Variants in SUGP2 observed in about 807,000 individuals in gnomAD.
The protein encoded by SUGP2 is SURP and G-patch domain-containing protein 2.
A neutral mutation model predicts 90.5 loss-of-function variants in SUGP2; 24 were observed. The ratio of observed to expected loss-of-function variants is 0.27; its 90% CI spans 0.19 to 0.37. The LOEUF (loss-of-function observed/expected upper bound fraction) is 0.37, where lower values mean the gene tolerates loss of function less well. Ranked by LOEUF, SUGP2 falls within the 10% of genes least tolerant of loss-of-function variation. The probability of loss-of-function intolerance (pLI) is 1.00; values close to 1 mark genes in which losing one functional copy is unlikely to be tolerated. For missense variants in SUGP2, 1,233 were observed against 1,363.3 expected, an observed-to-expected ratio of 0.90 and a Z score of 1.51; for synonymous variants, 473 against 513.4, an observed-to-expected ratio of 0.92 and a Z score of 1.06.
At position 19,010,324 on chromosome 19, in the gene SUGP2, A is replaced by G. The variant is rs767343340; in HGVS notation, c.1869T>C (p.Asn623=). The stretch of plus-strand genomic sequence containing the variant: ...GCTTGTAATATTTATACTCCAGACT[A>G]TTTTCATCAGACAAAAACCTAGATA... ...DPAYWFLSDE[N]SLEYKYYKLK... is the part of the protein sequence containing the mutation. Residue 623 remains asparagine (N), a synonymous_variant, in exon 5 of 11, where the codon AAT becomes AAC. Coordinates refer to ENST00000452918, the MANE Select transcript of SUGP2 (RefSeq NM_001017392.5). The G allele has an allele frequency of 2.5e-6, 4 of 1,610,098 alleles. No individual in the cohort carries two copies. The African/African-American group carries it at 5.4e-5, about 22-fold the overall frequency.
At chr19:19,007,171 T>C (rs1254152621) in intron 6 of SUGP2, among the ~76,000 whole-genome samples, 1 of 152,190 alleles carries the variant, frequency 6.6e-6, no homozygotes, top group Non-Finnish European at 1.5e-5. Flanking sequence ...CAGGTTTTCT[T>C]GCCTATGGGC....
chr19:19,012,399 T>C (rs1300183559), intron 4 of SUGP2, among the ~76,000 whole-genome samples: 1 of 152,206 alleles, frequency 6.6e-6, no homozygotes, highest in African/African-American at 2.4e-5. Flanking sequence ...TGGCTTTCCT[T>C]GTTCCTGGAT....
Position 19,010,010 on chromosome 19 carries a change from G to A in SUGP2, c.2183C>T (p.Pro728Leu). ...GTCCTTGGCAGCATCATTTCTGTCT[G>A]GCAGGGATGGTTTTGCCTGTGAGAG... ...PGLSQAKPSL[P>L]DRNDAAKDCP... The change falls in exon 5 of 11, where the codon CCA (proline) becomes CTA (leucine). Residue 728 changes from proline to leucine, a missense_variant. Physicochemically the swap from Pro to Leu is moderately conservative, Grantham distance 98. Coordinates refer to ENST00000452918, the MANE Select transcript of SUGP2 (RefSeq NM_001017392.5). 5 of 1,614,146 alleles carry A rather than the reference G, an allele frequency of 3.1e-6. No individual in the cohort carries two copies. The highest frequency in any genetic ancestry group is 4.2e-6 in the Non-Finnish European group (5 of 1,180,024).
At chr19:19,014,314 G>A (rs1018743966) in intron 4 of SUGP2, among the ~76,000 whole-genome samples, 1 of 152,082 alleles carries the variant, frequency 6.6e-6, no homozygotes, top group African/African-American at 2.4e-5. Flanking sequence ...TTTAGTGCAC[G>A]ACACGAGGCA....
rs1284746863 is a variant in SUGP2 at position 18,995,152 on chromosome 19, C to T, written c.3120G>A (p.Pro1040=). The change falls in exon 9 of 11, where the codon CCG becomes CCA. Residue 1040 remains proline, a synonymous_variant. Coordinates refer to ENST00000452918, the MANE Select transcript of SUGP2 (RefSeq NM_001017392.5). ...LGSLGKGIRE[P]VSVGTPSEGE... Reference sequence around the variant, plus strand: ...GGCTGCCTGCTGCGTACACGCTGACCGGCTCCCTGATGCCCTTTCCGAGGG... The same window carrying T: ...GGCTGCCTGCTGCGTACACGCTGACTGGCTCCCTGATGCCCTTTCCGAGGG... 1.1e-5 allele frequency: 17 copies of T among 1,612,790 alleles called. No individual in the cohort carries two copies. Among genetic ancestry groups the T allele is most frequent in the African/African-American group, 2.7e-5 (2 of 74,928 alleles).
chr19:18,993,981 T>A (rs761576016), intron 10 of SUGP2: 25 of 167,076 alleles, frequency 1.5e-4, no homozygotes, highest in Non-Finnish European at 3.0e-4. Flanking sequence ...AACAGTCCGT[T>A]TGCTGGTCAT....
intron 4 of SUGP2, among the ~76,000 whole-genome samples, chr19:19,013,716 T>G (rs967608444): frequency 6.6e-6 from 1 of 152,208 alleles, no homozygotes; most frequent in African/African-American, 2.4e-5. Context: ...CCACAGGGAT[T>G]CTTAGCCACT....
chr19:19,031,155 C>A (rs2059135654), intron 1 of SUGP2, 73 bp from the exon 2 acceptor site: 2 of 1,524,072 alleles, frequency 1.3e-6, no homozygotes, highest in East Asian at 2.3e-5. Context: ...TACCTGTAAT[C>A]CTGGCACTTT....
intron 4 of SUGP2, among the ~76,000 whole-genome samples, chr19:19,015,660 T>C (rs2058473088): frequency 6.6e-6 from 1 of 152,092 alleles, no homozygotes; most frequent in African/African-American, 2.4e-5. Flanking sequence ...CCTGTCACCA[T>C]GCCCAGCTAA....
At chr19:19,024,480 G>T in intron 3 of SUGP2, 139 bp downstream of exon 3, 2 of 885,952 alleles carry the variant, frequency 2.3e-6, no homozygotes, top group Non-Finnish European at 3.4e-6. Flanking sequence ...GACATATATT[G>T]GCCAATGTGC....
intron 8 of SUGP2, among the ~76,000 whole-genome samples, chr19:18,998,603 C>T (rs1484343982): frequency 4.6e-5 from 7 of 151,212 alleles, no homozygotes; most frequent in Admixed American, 1.3e-4. Flanking sequence ...TGTGTGTGTG[C>T]GTGTGTGTAT....
Position 19,031,134 on chromosome 19 carries a change from G to A in SUGP2, c.-11-52C>T, listed in dbSNP as rs918821833. The A allele has an allele frequency of 1.7e-5, 27 of 1,578,496 alleles. 1 individual carries two copies. The South Asian group carries it at 1.9e-4, about 11-fold the overall frequency. On this transcript the variant is annotated intron_variant, in intron 1 of 10. Transcript: ENST00000452918. ...TAAGAGCAACAACTTGGAGCTGGGC[G>A]CGGTGGCTCATACCTGTAATCCTGG...
upstream of SUGP2, chr19:19,033,820 C>T: frequency 3.7e-6 from 1 of 267,664 alleles, no homozygotes; most frequent in South Asian, 7.8e-5. Context: ...GGAGGCCAAG[C>T]CTAGGGGCGC....
At chr19:19,033,543 A>AGCGCC (rs1470067103), upstream of SUGP2, 22 of 1,302,908 alleles carry the variant, frequency 1.7e-5, no homozygotes, top group South Asian at 1.3e-4. Flanking sequence ...CGGTCTCCGC[A>AGCGCC]GCGCCGCGCC....
chr19:19,018,391 TTTAATAAG>T (rs138339519), intron 4 of SUGP2, among the ~76,000 whole-genome samples: 5,481 of 148,986 alleles, frequency 0.037, 159 homozygotes, highest in Admixed American at 0.059. Flanking sequence ...AAACTGTAAT[TTTAATAAG>T]TTGTTCGGCC....
chr19:19,004,780 G>C (rs780447515), intron 6 of SUGP2, 134 bp from the exon 7 acceptor site: 6 of 693,170 alleles, frequency 8.7e-6, no homozygotes, highest in Non-Finnish European at 1.4e-5. Flanking sequence ...GTCTCTACGC[G>C]GCTATGGCTT....
chr19:19,026,548 C>T (rs1008723062), intron 2 of SUGP2, among the ~76,000 whole-genome samples: 6 of 152,292 alleles, frequency 3.9e-5, no homozygotes, highest in African/African-American at 1.4e-4. Flanking sequence ...CAACAGCCCT[C>T]GCTCATTCAG....
intron 8 of SUGP2, among the ~76,000 whole-genome samples, 189 bp from the exon 9 acceptor site, chr19:18,995,469 G>A (rs1412102874): frequency 6.6e-6 from 1 of 152,230 alleles, no homozygotes; most frequent in Admixed American, 6.5e-5. Flanking sequence ...TTCTAAGTCA[G>A]AGGTCACTGG....
Position 19,004,476 on chromosome 19 carries a change from A to T in SUGP2, c.2621T>A (p.Phe874Tyr), listed in dbSNP as rs147418067. The change falls in exon 7 of 11, where the codon TTT (phenylalanine) becomes TAT (tyrosine). Residue 874 changes from phenylalanine to tyrosine, a missense_variant. By Grantham distance (22) the Phe-to-Tyr change is conservative. Coordinates refer to ENST00000452918, the MANE Select transcript of SUGP2 (RefSeq NM_001017392.5). ...PVDLMEGEAE[F>Y]EDEPPPREAE... ...CTCCCGCGGAGGGGGCTCGTCTTCA[A>T]ACTCTGCTTCCCCTTCCATGAGGTC... 2.3e-5 allele frequency: 37 copies of T among 1,614,082 alleles called. No homozygotes were observed. The highest frequency in any genetic ancestry group is 3.1e-5 in the Non-Finnish European group (36 of 1,180,042).
Sources: allele counts gnomAD v4.1 joint callset (sites outside exome capture counted in the v4.1 genomes callset), GRCh38; gene constraint gnomAD v4.1.1; transcripts MANE v1.5; gene names NCBI Gene and HGNC (gene_info 2026-07-23, HGNC 2026-07-21).